PAWR: variants seen among roughly 807,000 people sequenced by gnomAD.
PAWR encodes PRKC apoptosis WT1 regulator protein.
PAWR carries 23 observed loss-of-function variants against 32.0 expected under a neutral mutation model. The observed-to-expected ratio is 0.72, with a 90% CI of 0.52 to 1.02. PAWR has a LOEUF of 1.02. Ranked by LOEUF, PAWR falls within the 50% of genes least tolerant of loss-of-function variation. PAWR has a pLI of 0.00. For missense variants in PAWR, 457 were observed against 437.7 expected, an observed-to-expected ratio of 1.04 and a Z score of -0.39; for synonymous variants, 226 against 187.1, an observed-to-expected ratio of 1.21 and a Z score of -1.70.
In PAWR at chr12:79,592,360, C is replaced by T; in HGVS notation, c.*247G>A. 1 of 371,008 alleles carries T rather than the reference C, an allele frequency of 2.7e-6. No individual in the cohort carries two copies. The highest frequency in any genetic ancestry group is 4.8e-6 in the Non-Finnish European group (1 of 209,102). 23.0% of individuals were successfully genotyped at this position (371,008 alleles called of 1,614,324 possible). On this transcript the variant is annotated 3_prime_UTR_variant, in exon 7 of 7. Transcript: ENST00000328827. ...TGTATTAGTTGAATACCACACAAAACCAAAAAGGCATTATCTATCATTTAA... is the reference window on the plus strand; with the variant it reads ...TGTATTAGTTGAATACCACACAAAATCAAAAAGGCATTATCTATCATTTAA...
At chr12:79,604,477 C>T (rs1874089861) in intron 4 of PAWR, 2 of 1,072,584 alleles carry the variant, frequency 1.9e-6, no homozygotes. Flanking sequence ...AGGAATTTTC[C>T]ACTAAAATAG....
chr12:79,684,080 A>G (rs1376728501), intron 2 of PAWR, among the ~76,000 whole-genome samples: 4 of 152,222 alleles, frequency 2.6e-5, no homozygotes. Context: ...ACTTAAGAGC[A>G]CACCGTGTGA....
chr12:79,658,799 G>A (rs1877210921), intron 2 of PAWR, among the ~76,000 whole-genome samples: 1 of 151,628 alleles, frequency 6.6e-6, no homozygotes, highest in South Asian at 2.1e-4. Context: ...GGGTAGCTGG[G>A]ATTACAGGCA....
intron 2 of PAWR, among the ~76,000 whole-genome samples, chr12:79,633,214 G>A (rs1483813504): frequency 6.6e-6 from 1 of 151,648 alleles, no homozygotes; most frequent in Non-Finnish European, 1.5e-5. Context: ...AAATAAAAAG[G>A]CGTGCCACAG....
intron 4 of PAWR, among the ~76,000 whole-genome samples, chr12:79,608,812 AG>A (rs1202597598): frequency 7.2e-5 from 11 of 152,032 alleles, no homozygotes; most frequent in Non-Finnish European, 1.5e-5. Flanking sequence ...TGGGAGGCTG[AG>A]GTGGGTGAAC....
chr12:79,590,501 T>C lies in PAWR; in HGVS notation c.*2106A>G, dbSNP rs1368487215. On this transcript the variant is annotated 3_prime_UTR_variant, in exon 7 of 7. Coordinates refer to ENST00000328827, the MANE Select transcript of PAWR (RefSeq NM_002583.4). ...CAGGCATGAGCCACTGCACCCAGCCTAATAACTGATATAATTTTTTTAAGT... is the reference window on the plus strand; with the variant it reads ...CAGGCATGAGCCACTGCACCCAGCCCAATAACTGATATAATTTTTTTAAGT... 6.6e-6 allele frequency: 1 copy of C among 151,194 alleles called. No homozygotes were observed. Among genetic ancestry groups the C allele is most frequent in the Non-Finnish European group, 1.5e-5 (1 of 67,592 alleles). 9.4% of individuals were successfully genotyped at this position (151,194 alleles called of 1,614,324 possible).
chr12:79,690,752 C>T (rs1878981237), intron 1 of PAWR, 120 bp downstream of exon 1: 1 of 152,618 alleles, frequency 6.6e-6, no homozygotes, highest in Non-Finnish European at 1.5e-5. Context: ...CCGAGGTCCC[C>T]GTCAGCTACA....
chr12:79,679,861 ATTCT>A (rs1441163070), intron 2 of PAWR, among the ~76,000 whole-genome samples: 1 of 152,104 alleles, frequency 6.6e-6, no homozygotes, highest in African/African-American at 2.4e-5. Context: ...TCTGAAATCT[ATTCT>A]TTCTTTCCTT....
intron 2 of PAWR, among the ~76,000 whole-genome samples, chr12:79,653,028 TG>T (rs1766352374): frequency 6.6e-6 from 1 of 150,942 alleles, no homozygotes; most frequent in African/African-American, 2.5e-5. Flanking sequence ...TCTGTTTTTG[TG>T]TTTGTTTTTT....
chr12:79,634,772 C>A, intron 2 of PAWR, among the ~76,000 whole-genome samples: 1 of 150,214 alleles, frequency 6.7e-6, no homozygotes, highest in Non-Finnish European at 1.5e-5. Context: ...AGAATTGCAG[C>A]TGAAAAAAAA....
intron 6 of PAWR, 28 bp downstream of exon 6, chr12:79,594,291 AAAACCCCTCC>A: frequency 2.4e-6 from 2 of 821,038 alleles, no homozygotes; most frequent in Non-Finnish European, 3.9e-6. Flanking sequence ...ATTGCCAAAA[AAAACCCCTCC>A]AAACCTGAAA....
chr12:79,601,880 A>G (rs1235129525), intron 4 of PAWR, among the ~76,000 whole-genome samples: 1 of 152,220 alleles, frequency 6.6e-6, no homozygotes, highest in Non-Finnish European at 1.5e-5. Context: ...AATTTTTTAA[A>G]AAGTTTCACT....
chr12:79,625,510 TAAAAATTAAAATTTAA>T (rs955809372), intron 2 of PAWR, among the ~76,000 whole-genome samples: 3 of 152,066 alleles, frequency 2.0e-5, no homozygotes, highest in Non-Finnish European at 4.4e-5. Flanking sequence ...ATTAAAAAAT[TAAAAATTAAAATTTAA>T]AAAGTAACAG....
rs905997573 is a variant in PAWR, at chr12:79,690,416, G to A, written c.-147-25C>T. The A allele has an allele frequency of 9.2e-6, 12 of 1,298,702 alleles. No homozygotes were observed. The Admixed American group carries it at 1.6e-4, about 17-fold the overall frequency. The allele number at this position is 1,298,702 out of a possible 1,614,324, so 80.4% of individuals were successfully genotyped here. A position where few individuals can be genotyped will look rare whatever the true frequency, so the allele number is the denominator to read the frequency against. On this transcript the variant is annotated intron_variant, in intron 1 of 6. Coordinates refer to ENST00000328827, the MANE Select transcript of PAWR (RefSeq NM_002583.4). ...GCTGAGGTGAAAGACAAAAGGGGGC[G>A]GGTAAGGGAAGCGTAAGATCCCCGC...
At chr12:79,613,109 T>C (rs1314088022) in intron 4 of PAWR, among the ~76,000 whole-genome samples, 1 of 152,172 alleles carries the variant, frequency 6.6e-6, no homozygotes, top group African/African-American at 2.4e-5. Context: ...CTCTCTGCCA[T>C]GTGAGGACAC....
At chr12:79,686,463 T>C (rs536353364) in intron 2 of PAWR, among the ~76,000 whole-genome samples, 43 of 152,290 alleles carry the variant, frequency 2.8e-4, no homozygotes, top group African/African-American at 1.0e-3. Flanking sequence ...CTGACTCACA[T>C]TTGAATCAAA....
rs375269160 is a variant in PAWR, at chr12:79,590,664, A to T, written c.*1943T>A. The T allele has an allele frequency of 2.7e-4, 41 of 152,330 alleles. No individual in the cohort carries two copies. The highest frequency in any genetic ancestry group is 9.1e-4 in the African/African-American group (38 of 41,574). The allele number at this position is 152,330 out of a possible 1,614,324, so 9.4% of individuals were successfully genotyped here. On this transcript the variant is annotated 3_prime_UTR_variant, in exon 7 of 7. Transcript: ENST00000328827. The stretch of plus-strand genomic sequence containing the variant: ...CACAAGATCCAAAGTGTGGATGACG[A>T]ACTAGGCAATAAGGACATGTGTGCC...
intron 2 of PAWR, among the ~76,000 whole-genome samples, chr12:79,671,676 ATAAT>A (rs1389047934): frequency 2.0e-5 from 3 of 152,354 alleles, no homozygotes; most frequent in Non-Finnish European, 4.4e-5. Context: ...ACTTTTTATG[ATAAT>A]TAAATAAGCT....
rs576792145 is a variant in PAWR, at chr12:79,629,596, TA to T, written c.517-8390del. ...TGAAGGTGGGAAATGTGTAGAGATATAAAAAAAAAAACTTCAATTCTGTCAA... is the reference window on the plus strand; with the variant it reads ...TGAAGGTGGGAAATGTGTAGAGATATAAAAAAAAAACTTCAATTCTGTCAA... On this transcript the variant is annotated intron_variant, in intron 2 of 6. Coordinates refer to ENST00000328827, the MANE Select transcript of PAWR (RefSeq NM_002583.4). Among the ~76,000 whole-genome samples, 709 of 145,618 alleles carry T rather than the reference TA, an allele frequency of 4.9e-3. 6 individuals are homozygous for T. The highest frequency in any genetic ancestry group is 0.016 in the African/African-American group (644 of 40,016).
Sources: allele counts gnomAD v4.1 joint callset (sites outside exome capture counted in the v4.1 genomes callset), GRCh38; gene constraint gnomAD v4.1.1; transcripts MANE v1.5; gene names NCBI Gene and HGNC (gene_info 2026-07-23, HGNC 2026-07-21).